Variants in NCKAP5 observed in about 807,000 individuals in gnomAD.
The protein encoded by NCKAP5 is NCK associated protein 5.
NCKAP5 carries 92 observed loss-of-function variants against 167.0 expected under a neutral mutation model. The observed-to-expected ratio is 0.55, with a 90% CI of 0.47 to 0.66. The LOEUF (loss-of-function observed/expected upper bound fraction) is 0.66, where lower values mean the gene tolerates loss of function less well. NCKAP5 is among the 30% of genes least tolerant of loss of function. The probability of loss-of-function intolerance (pLI) is 0.00; values close to 1 mark genes in which losing one functional copy is unlikely to be tolerated. For missense variants in NCKAP5, 2,378 were observed against 2,315.0 expected (o/e 1.03, Z -0.56); for synonymous variants, 891 against 877.4 (o/e 1.02, Z -0.27).
chr2:132,991,120 T>C (rs949223350), intron 7 of NCKAP5, among the ~76,000 whole-genome samples: 1 of 152,128 alleles, frequency 6.6e-6, no homozygotes, highest in Non-Finnish European at 1.5e-5. Flanking sequence ...GGTTCAAAAC[T>C]CTTCTAGGCT....
At chr2:132,937,842 A>C (rs746532100) in intron 8 of NCKAP5, among the ~76,000 whole-genome samples, 1 of 152,250 alleles carries the variant, frequency 6.6e-6, no homozygotes, top group Non-Finnish European at 1.5e-5. Flanking sequence ...ACTACTCTCT[A>C]GGGAGGAAAA....
chr2:133,630,963 G>A, the NCKAP5 span, among the ~76,000 whole-genome samples: 4 of 152,122 alleles, frequency 2.6e-5, no homozygotes, highest in Non-Finnish European at 5.9e-5. Context: ...ATGTATATGT[G>A]AAAGATGTTC....
intron 19 of NCKAP5, among the ~76,000 whole-genome samples, chr2:132,679,568 G>T (rs903111928): frequency 7.9e-5 from 12 of 152,154 alleles, no homozygotes; most frequent in Non-Finnish European, 1.6e-4. Context: ...GAAAATTCTG[G>T]TGCTGCAGGG....
chr2:133,292,399 TGTC>T (rs1679665033), intron 4 of NCKAP5, among the ~76,000 whole-genome samples: 1 of 152,178 alleles, frequency 6.6e-6, no homozygotes, highest in Non-Finnish European at 1.5e-5. Context: ...TTTACACTGT[TGTC>T]TGCTGGAGTT....
chr2:133,170,262 T>C (rs1028280994), intron 5 of NCKAP5, among the ~76,000 whole-genome samples: 6 of 152,202 alleles, frequency 3.9e-5, no homozygotes, highest in Admixed American at 3.3e-4. Flanking sequence ...TGGGGGCAGA[T>C]AGAACTCAAA....
chr2:133,012,404 T>C (rs2078191362), intron 6 of NCKAP5, among the ~76,000 whole-genome samples: 1 of 152,136 alleles, frequency 6.6e-6, no homozygotes, highest in African/African-American at 2.4e-5. Context: ...CACGCCGCCA[T>C]GCCTGGCTAA....
the NCKAP5 span, among the ~76,000 whole-genome samples, chr2:133,599,888 C>A: frequency 6.6e-6 from 1 of 152,358 alleles, no homozygotes. Flanking sequence ...TGGGAAGAAT[C>A]CAATCTGTTT....
intron 3 of NCKAP5, among the ~76,000 whole-genome samples, chr2:133,466,626 T>G (rs1212662844): frequency 6.6e-6 from 1 of 152,236 alleles, no homozygotes; most frequent in East Asian, 1.9e-4. Flanking sequence ...ACGATATTGA[T>G]TCTTCCTACC....
intron 6 of NCKAP5, among the ~76,000 whole-genome samples, chr2:133,075,149 C>T (rs1224238055): frequency 2.0e-5 from 3 of 152,216 alleles, no homozygotes; most frequent in East Asian, 1.9e-4. Flanking sequence ...AATGATTCAA[C>T]AATTTGAATA....
rs73960005 is a variant in NCKAP5 at position 133,057,004 on chromosome 2, G to A, written c.342-62765C>T. On this transcript the variant is annotated intron_variant, in intron 6 of 19. Coordinates refer to ENST00000409261, the MANE Select transcript of NCKAP5 (RefSeq NM_207363.3). ...TTGCTCTGTCACATTTTGGTCATTC[G>A]TGCAATATTTCAAACTTTTTCATTT... Among the ~76,000 whole-genome samples the A allele has an allele frequency of 5.2e-3, 798 of 152,142 alleles. 6 individuals are homozygous for A. Among genetic ancestry groups the A allele is most frequent in the African/African-American group, 0.018 (745 of 41,516 alleles).
chr2:133,316,645 CACTGA>C (rs1681629350), intron 3 of NCKAP5, among the ~76,000 whole-genome samples: 1 of 152,176 alleles, frequency 6.6e-6, no homozygotes, highest in Admixed American at 6.5e-5. Context: ...TACTTATGGG[CACTGA>C]ACATAAATCA....
chr2:133,463,768 C>A (rs146579073), intron 3 of NCKAP5, among the ~76,000 whole-genome samples: 2 of 152,190 alleles, frequency 1.3e-5, no homozygotes, highest in African/African-American at 4.8e-5. Flanking sequence ...TAATATTTTA[C>A]ATGGCAACAA....
chr2:133,460,909 C>G (rs1285860080), intron 3 of NCKAP5, among the ~76,000 whole-genome samples: 2 of 151,988 alleles, frequency 1.3e-5, no homozygotes, highest in Non-Finnish European at 2.9e-5. Flanking sequence ...TAAATCAAAG[C>G]ATTATTTATA....
chr2:133,427,881 G>C (rs1689913317), intron 3 of NCKAP5, among the ~76,000 whole-genome samples: 1 of 151,978 alleles, frequency 6.6e-6, no homozygotes, highest in South Asian at 2.1e-4. Context: ...GCAAAATCCT[G>C]AAATTCTGAT....
chr2:132,784,474 A>C lies in NCKAP5; in HGVS notation c.2337T>G (p.Asn779Lys). The C allele has an allele frequency of 6.3e-7, 1 of 1,592,476 alleles. No individual in the cohort carries two copies. Among genetic ancestry groups the C allele is most frequent in the Non-Finnish European group, 8.5e-7 (1 of 1,170,694 alleles). ...QQQKLVKPTH[N>K]ISCQSNSRSS... ...ACCTGGAATTACTCTGGCATGATAT[A>C]TTGTGTGTTGGTTTGACCAGCTTTT... Residue 779 changes from asparagine (N) to lysine (K), a missense_variant, in exon 14 of 20, where the codon AAT (asparagine) becomes AAG (lysine). Transcript: ENST00000409261.
intron 10 of NCKAP5, among the ~76,000 whole-genome samples, chr2:132,866,391 A>G (rs913158639): frequency 6.6e-6 from 1 of 152,302 alleles, no homozygotes; most frequent in East Asian, 1.9e-4. Flanking sequence ...ACTTGGACCC[A>G]TGATTTGGAG....
chr2:133,050,301 G>A (rs2079557635), intron 6 of NCKAP5, among the ~76,000 whole-genome samples: 2 of 151,858 alleles, frequency 1.3e-5, no homozygotes, highest in South Asian at 4.2e-4. Flanking sequence ...GGGTGGGAAG[G>A]GGAAAAGACT....
chr2:133,388,639 G>T (rs1687171286), intron 3 of NCKAP5, among the ~76,000 whole-genome samples: 1 of 152,236 alleles, frequency 6.6e-6, no homozygotes, highest in African/African-American at 2.4e-5. Context: ...CACAGGTGGA[G>T]TCTACAGAGG....
At position 132,931,988 on chromosome 2, in the gene NCKAP5, C is replaced by A. The variant is rs76740559; in HGVS notation, c.579+31732G>T. ...CATTTGAAAAAGAGTGCATATTCACCGTACAGGAAAAACTTTATGGAGTTA... is the reference window on the plus strand; with the variant it reads ...CATTTGAAAAAGAGTGCATATTCACAGTACAGGAAAAACTTTATGGAGTTA... On this transcript the variant is annotated intron_variant, in intron 8 of 19. Coordinates refer to ENST00000409261, the MANE Select transcript of NCKAP5 (RefSeq NM_207363.3). 1.4e-3 allele frequency among the ~76,000 whole-genome samples: 218 copies of A among 152,210 alleles called. 8 individuals carry two copies. In the East Asian group the frequency reaches 0.041, roughly 28 times the overall value.
Sources: allele counts gnomAD v4.1 joint callset (sites outside exome capture counted in the v4.1 genomes callset), GRCh38; gene constraint gnomAD v4.1.1; transcripts MANE v1.5; gene names NCBI Gene and HGNC (gene_info 2026-07-23, HGNC 2026-07-21).